LUZP4: variants seen among roughly 807,000 people sequenced by gnomAD.
LUZP4 encodes the protein leucine zipper protein 4.
LUZP4 carries 11 observed loss-of-function variants against 8.5 expected under a neutral mutation model. The observed-to-expected ratio is 1.30, with a 90% CI of 0.82 to 2.14. The LOEUF is 2.14. LUZP4 is among the 30% of genes most tolerant of loss of function. LUZP4 has a pLI of 0.00. For synonymous variants in LUZP4, 104 were observed against 79.4 expected, an observed-to-expected ratio of 1.31 and a Z score of -1.65; for missense variants, 276 against 229.7, an observed-to-expected ratio of 1.20 and a Z score of -1.30.
chrX:115,302,217 C>A, intron 2 of LUZP4, 94 bp downstream of exon 2: 1 of 841,306 alleles, frequency 1.2e-6, no homozygotes, highest in Non-Finnish European at 1.6e-6. Flanking sequence ...CAATATTGTT[C>A]TAAAGTTGCA....
intron 1 of LUZP4, among the ~76,000 whole-genome samples, chrX:115,298,644 C>T (rs2073381821): frequency 8.9e-6 from 1 of 112,369 alleles, no homozygotes; most frequent in African/African-American, 3.2e-5. Flanking sequence ...CTGCTTGACA[C>T]TTTTAAATCA....
chrX:115,292,832 G>A (rs1307078010), intron 1 of LUZP4, among the ~76,000 whole-genome samples: 1 of 110,870 alleles, frequency 9.0e-6, no homozygotes, highest in African/African-American at 3.3e-5. Flanking sequence ...GAATGGCCCT[G>A]AAAAGTAACT....
intron 1 of LUZP4, among the ~76,000 whole-genome samples, chrX:115,291,012 C>T (rs1162695970): frequency 2.7e-5 from 3 of 111,137 alleles, no homozygotes; most frequent in African/African-American, 9.8e-5. Flanking sequence ...ACCATGTTGC[C>T]CAGACTGGTC....
chrX:115,299,279 C>A (rs187194858), intron 1 of LUZP4, among the ~76,000 whole-genome samples: 1 of 110,942 alleles, frequency 9.0e-6, no homozygotes, highest in East Asian at 2.9e-4. Flanking sequence ...TCAAGGCCTG[C>A]TGCAAATACT....
In LUZP4 at chrX:115,289,724, C is replaced by G; in HGVS notation, c.-36C>G. ...GCGGTGAGGGGGTGGTACACGCGCC[C>G]TACCTCGGAGTGTGTGGCGCCATGA... is the stretch of plus-strand genomic sequence containing the variant. On this transcript the variant is annotated 5_prime_UTR_variant, in exon 1 of 4. Coordinates refer to ENST00000371920, the MANE Select transcript of LUZP4 (RefSeq NM_016383.5). 1.9e-6 allele frequency: 2 copies of G among 1,075,374 alleles called. No homozygotes were observed. Among genetic ancestry groups the G allele is most frequent in the Non-Finnish European group, 2.6e-6 (2 of 773,090 alleles). 88.6% of individuals were successfully genotyped at this position (1,075,374 alleles called of 1,213,427 possible). A position where few individuals can be genotyped will look rare whatever the true frequency, so the allele number is the denominator to read the frequency against.
chrX:115,298,194 GTA>G (rs1182596603), intron 1 of LUZP4, among the ~76,000 whole-genome samples: 1 of 111,119 alleles, frequency 9.0e-6, no homozygotes, highest in Non-Finnish European at 1.9e-5. Flanking sequence ...AGCCTCCCAA[GTA>G]GCTGGGATTA....
intron 1 of LUZP4, among the ~76,000 whole-genome samples, chrX:115,300,331 G>A (rs1285593869): frequency 7.1e-5 from 8 of 112,413 alleles, no homozygotes; most frequent in African/African-American, 9.7e-5. Context: ...GGACCACACT[G>A]AAAGAATAAT....
intron 2 of LUZP4, among the ~76,000 whole-genome samples, chrX:115,302,823 C>T (rs782435844): frequency 4.4e-5 from 5 of 112,455 alleles, no homozygotes; most frequent in Non-Finnish European, 5.6e-5. Flanking sequence ...AAAAGGGTAA[C>T]GTGGCCCATT....
chrX:115,291,224 C>T (rs782090950), intron 1 of LUZP4, among the ~76,000 whole-genome samples: 7 of 111,237 alleles, frequency 6.3e-5, no homozygotes, highest in African/African-American at 2.3e-4. Flanking sequence ...CTCAGCCTCT[C>T]GAGTAGCTGG....
intron 1 of LUZP4, among the ~76,000 whole-genome samples, chrX:115,290,295 C>G (rs2073343218): frequency 9.0e-6 from 1 of 111,512 alleles, no homozygotes; most frequent in Admixed American, 9.5e-5. Context: ...GAGGAGCAAG[C>G]CTTAGGCTAT....
intron 1 of LUZP4, among the ~76,000 whole-genome samples, chrX:115,294,864 T>C (rs1450519937): frequency 9.0e-6 from 1 of 111,721 alleles, no homozygotes; most frequent in Non-Finnish European, 1.9e-5. Flanking sequence ...TAAGTATGAC[T>C]GTAAGATCTC....
At chrX:115,293,824 G>A (rs185193957) in intron 1 of LUZP4, among the ~76,000 whole-genome samples, 4 of 109,019 alleles carry the variant, frequency 3.7e-5, no homozygotes, top group East Asian at 2.9e-4. Flanking sequence ...GGAGGCAGGC[G>A]CCTGTAGTCC....
chrX:115,306,674 G>A lies in LUZP4; in HGVS notation c.812G>A (p.Arg271Lys). The stretch of plus-strand genomic sequence containing the variant: ...CAGAGAGATCTCATAGCCACTCAGA[G>A]AGATCTCATAGTCACTCAGAGAGAT... ...ATQRDLIATQRDLIVTQRDLV... is the reference protein window; with the variant it reads ...ATQRDLIATQKDLIVTQRDLV... The change falls in exon 4 of 4, where the codon AGA (arginine) becomes AAA (lysine). Residue 271 changes from arginine to lysine, a missense_variant. Physicochemically the swap from Arg to Lys is conservative, Grantham distance 26. Coordinates refer to ENST00000371920, the MANE Select transcript of LUZP4 (RefSeq NM_016383.5). The A allele has an allele frequency of 8.3e-7, 1 of 1,209,252 alleles. No homozygotes were observed. Among genetic ancestry groups the A allele is most frequent in the Non-Finnish European group, 1.1e-6 (1 of 894,303 alleles).
chrX:115,299,411 G>T (rs1556600472), intron 1 of LUZP4, among the ~76,000 whole-genome samples: 1 of 111,490 alleles, frequency 9.0e-6, no homozygotes, highest in Non-Finnish European at 1.9e-5. Flanking sequence ...GGTGTGTCCA[G>T]AAGTGACATC....
At chrX:115,304,262 C>A (rs1168341883) in intron 3 of LUZP4, among the ~76,000 whole-genome samples, 3 of 111,557 alleles carry the variant, frequency 2.7e-5, no homozygotes, top group Non-Finnish European at 5.6e-5. Context: ...TAATGCCAGG[C>A]AGTATGCAGT....
intron 1 of LUZP4, among the ~76,000 whole-genome samples, chrX:115,292,966 C>T (rs2073354942): frequency 9.0e-6 from 1 of 111,201 alleles, no homozygotes; most frequent in African/African-American, 3.3e-5. Context: ...CCTACCCCAA[C>T]TTCATCACAA....
Position 115,293,992 on chromosome X carries a change from G to A in LUZP4, c.91+4142G>A, listed in dbSNP as rs1354710119. 2.7e-5 allele frequency among the ~76,000 whole-genome samples: 3 copies of A among 111,276 alleles called. No homozygotes were observed. The East Asian group carries it at 8.5e-4, about 32-fold the overall frequency. Reference sequence around the variant, plus strand: ...AAAAGATTGAAAAAAAGAAAATATTGTGTTGAGATATTTTAATCTTGATTA... The same window carrying A: ...AAAAGATTGAAAAAAAGAAAATATTATGTTGAGATATTTTAATCTTGATTA... On this transcript the variant is annotated intron_variant, in intron 1 of 3. Coordinates refer to ENST00000371920, the MANE Select transcript of LUZP4 (RefSeq NM_016383.5).
At chrX:115,296,288 C>T (rs1182340575) in intron 1 of LUZP4, among the ~76,000 whole-genome samples, 1 of 111,464 alleles carries the variant, frequency 9.0e-6, no homozygotes, top group Non-Finnish European at 1.9e-5. Flanking sequence ...CAGTTTTAAA[C>T]TGTGTGAGGA....
chrX:115,301,293 C>T (rs2073396196), intron 1 of LUZP4, among the ~76,000 whole-genome samples: 2 of 111,916 alleles, frequency 1.8e-5, no homozygotes, highest in South Asian at 7.5e-4. Context: ...CACCTGTAGA[C>T]TCTTCCATTC....
Sources: allele counts gnomAD v4.1 joint callset (sites outside exome capture counted in the v4.1 genomes callset), GRCh38; gene constraint gnomAD v4.1.1; transcripts MANE v1.5; gene names NCBI Gene and HGNC (gene_info 2026-07-23, HGNC 2026-07-21).